Variants in HMGB1 observed in about 807,000 individuals in gnomAD.
HMGB1 encodes high mobility group protein B1.
For missense variants in HMGB1, 79 were observed against 253.5 expected (o/e 0.31, Z 4.67); for synonymous variants, 81 against 84.0 (o/e 0.96, Z 0.19).
chr13:30,519,658 C>A (rs1015122173), intron 1 of HMGB1, among the ~76,000 whole-genome samples: 2 of 151,534 alleles, frequency 1.3e-5, no homozygotes, highest in African/African-American at 4.9e-5. Flanking sequence ...TGAGATCGCA[C>A]CACTGCACTC....
At chr13:30,603,559 T>C (rs562788606) in intron 1 of HMGB1, among the ~76,000 whole-genome samples, 1 of 152,346 alleles carries the variant, frequency 6.6e-6, no homozygotes, top group African/African-American at 2.4e-5. Context: ...TAGCAACTTA[T>C]CTTTTTACTA....
chr13:30,516,318 T>A (rs1367532073), intron 1 of HMGB1, among the ~76,000 whole-genome samples: 2 of 152,232 alleles, frequency 1.3e-5, no homozygotes, highest in Non-Finnish European at 2.9e-5. Context: ...AGTGTCTTCC[T>A]CCTTTCCTTA....
At chr13:30,530,820 G>C (rs1224774669) in intron 1 of HMGB1, among the ~76,000 whole-genome samples, 1 of 152,160 alleles carries the variant, frequency 6.6e-6, no homozygotes, top group Non-Finnish European at 1.5e-5. Flanking sequence ...GTGGAGGCAG[G>C]CAGATTGCTT....
intron 1 of HMGB1, among the ~76,000 whole-genome samples, chr13:30,603,488 T>C (rs1051682389): frequency 6.6e-6 from 1 of 152,232 alleles, no homozygotes; most frequent in African/African-American, 2.4e-5. Context: ...GTAGAATCTC[T>C]GAGGTTATGT....
At chr13:30,610,300 A>G (rs1950502033) in intron 1 of HMGB1, among the ~76,000 whole-genome samples, 3 of 152,220 alleles carry the variant, frequency 2.0e-5, no homozygotes, top group Admixed American at 2.0e-4. Flanking sequence ...GTCAATTGTA[A>G]TAATACCCAT....
chr13:30,549,307 T>C (rs1368565051), intron 1 of HMGB1, among the ~76,000 whole-genome samples: 1 of 152,146 alleles, frequency 6.6e-6, no homozygotes, highest in African/African-American at 2.4e-5. Flanking sequence ...TACGAATGTC[T>C]GACCAGATTG....
At chr13:30,614,891 T>A (rs926976695) in intron 1 of HMGB1, among the ~76,000 whole-genome samples, 1 of 150,578 alleles carries the variant, frequency 6.6e-6, no homozygotes, top group African/African-American at 2.4e-5. Context: ...TTTTTTTTTT[T>A]AGTAGAGACG....
At chr13:30,498,917 G>A (rs1887673849) in intron 1 of HMGB1, among the ~76,000 whole-genome samples, 1 of 150,396 alleles carries the variant, frequency 6.6e-6, no homozygotes, top group African/African-American at 2.4e-5. Context: ...TAAAGTGCTG[G>A]GATTACAAGT....
At chr13:30,529,137 A>AAAG (rs1408183244) in intron 1 of HMGB1, among the ~76,000 whole-genome samples, 3 of 152,030 alleles carry the variant, frequency 2.0e-5, no homozygotes, top group Non-Finnish European at 2.9e-5. Context: ...TGAAATGAAG[A>AAAG]AAGCAGTAAA....
chr13:30,614,119 T>C (rs1950538512), intron 1 of HMGB1, among the ~76,000 whole-genome samples: 1 of 152,212 alleles, frequency 6.6e-6, no homozygotes, highest in African/African-American at 2.4e-5. Context: ...ATTTATTTGT[T>C]CTTACATGTG....
chr13:30,553,253 G>A (rs1869515345), intron 1 of HMGB1, among the ~76,000 whole-genome samples: 1 of 152,062 alleles, frequency 6.6e-6, no homozygotes, highest in African/African-American at 2.4e-5. Context: ...TCTATTCCTT[G>A]GTGTCACATT....
chr13:30,457,465 C>G lies in HMGB1; in HGVS notation c.*3892G>C, dbSNP rs955124326. On this transcript the variant is annotated 3_prime_UTR_variant, in exon 5 of 5. Transcript: ENST00000341423. The stretch of plus-strand genomic sequence containing the variant: ...AAGCACAGTGGTGTGTCCCTGTAAT[C>G]CCAGCTACTTGAGAAACTGAGGCGG... 1 of 152,188 alleles carries G rather than the reference C, an allele frequency of 6.6e-6. No individual in the cohort carries two copies. The highest frequency in any genetic ancestry group is 1.5e-5 in the Non-Finnish European group (1 of 68,046). The allele number at this position is 152,188 out of a possible 1,614,324, so 9.4% of individuals were successfully genotyped here. A position where few individuals can be genotyped will look rare whatever the true frequency, so the allele number is the denominator to read the frequency against.
chr13:30,545,723 T>C lies in HMGB1; in HGVS notation c.-15+70948A>G, dbSNP rs115305413. 7.6e-3 allele frequency among the ~76,000 whole-genome samples: 1,163 copies of C among 152,274 alleles called. 20 individuals carry two copies. The highest frequency in any genetic ancestry group is 0.027 in the African/African-American group (1,130 of 41,542). Reference sequence around the variant, plus strand: ...TTTGTGGGTTTTTCTTGAGACAAGGTCTTACTCTGTATCCCAGGCTGGAGT... The same window carrying C: ...TTTGTGGGTTTTTCTTGAGACAAGGCCTTACTCTGTATCCCAGGCTGGAGT... On this transcript the variant is annotated intron_variant, in intron 1 of 4. Coordinates refer to the HMGB1 transcript ENST00000405805.
At chr13:30,498,723 C>T (rs1270715492) in intron 1 of HMGB1, among the ~76,000 whole-genome samples, 2 of 151,174 alleles carry the variant, frequency 1.3e-5, no homozygotes, top group African/African-American at 2.4e-5. Context: ...CCTGGGCTCA[C>T]TGAAACCTCC....
chr13:30,530,268 A>G (rs1461741973), intron 1 of HMGB1, among the ~76,000 whole-genome samples: 4 of 152,228 alleles, frequency 2.6e-5, no homozygotes, highest in African/African-American at 9.6e-5. Context: ...TGAAACATCA[A>G]TGAATTTCAT....
chr13:30,537,293 T>C (rs539626268), intron 1 of HMGB1, among the ~76,000 whole-genome samples: 11 of 152,234 alleles, frequency 7.2e-5, no homozygotes, highest in African/African-American at 2.6e-4. Flanking sequence ...TCCCCATAAA[T>C]TTCACTATGG....
intron 1 of HMGB1, among the ~76,000 whole-genome samples, chr13:30,562,238 A>G (rs920972924): frequency 1.3e-5 from 2 of 151,598 alleles, no homozygotes; most frequent in Non-Finnish European, 2.9e-5. Context: ...CAGAGGTTGC[A>G]GTGAGCCAAG....
At chr13:30,471,423 C>G (rs1352491931) in intron 1 of HMGB1, among the ~76,000 whole-genome samples, 2 of 152,050 alleles carry the variant, frequency 1.3e-5, no homozygotes, top group Admixed American at 1.3e-4. Flanking sequence ...TCTCGGCTCA[C>G]TGCAACCTCT....
At chr13:30,468,553 C>T (rs187315385), upstream of HMGB1, among the ~76,000 whole-genome samples, 35 of 152,274 alleles carry the variant, frequency 2.3e-4, 1 homozygote, top group Admixed American at 2.0e-3. Context: ...TGCACCCGGC[C>T]TTGTTTTGTT....
Sources: gnomAD v4.1 joint callset for allele counts (sites outside exome capture counted in the v4.1 genomes callset) on GRCh38, gnomAD v4.1.1 for gene constraint, MANE v1.5 for transcripts, NCBI Gene and HGNC (gene_info 2026-07-23, HGNC 2026-07-21) for gene names.